Variants in IL1RAPL2 observed in about 807,000 individuals in gnomAD.
The protein encoded by IL1RAPL2 is interleukin 1 receptor accessory protein like 2, also known as X-linked interleukin-1 receptor accessory protein-like 2.
Under a neutral mutation model 44.1 loss-of-function variants are expected in IL1RAPL2, and 3 were observed. The observed-to-expected ratio is 0.07, with a 90% CI of 0.03 to 0.18. The LOEUF (loss-of-function observed/expected upper bound fraction) is 0.18. Among genes scored for constraint, IL1RAPL2 ranks in the 10% least tolerant of loss-of-function variants. The probability of loss-of-function intolerance (pLI) is 1.00; values close to 1 mark genes in which losing one functional copy is unlikely to be tolerated. For synonymous variants in IL1RAPL2, 181 were observed against 178.8 expected (o/e 1.01, Z -0.10); for missense variants, 391 against 496.4 (o/e 0.79, Z 2.02).
At chrX:105,340,402 G>C (rs1319348439) in intron 5 of IL1RAPL2, among the ~76,000 whole-genome samples, 7 of 111,897 alleles carry the variant, frequency 6.3e-5, no homozygotes, top group Non-Finnish European at 1.3e-4. Context: ...TGACTTGCCT[G>C]ATTTACTGCA....
chrX:105,500,445 C>T (rs766819489), intron 6 of IL1RAPL2, among the ~76,000 whole-genome samples: 1 of 111,048 alleles, frequency 9.0e-6, no homozygotes, highest in South Asian at 3.8e-4. Context: ...TTCCCTCTAC[C>T]TTGTCTTATA....
chrX:105,292,776 A>G (rs1190128159), intron 5 of IL1RAPL2, among the ~76,000 whole-genome samples: 2 of 111,358 alleles, frequency 1.8e-5, no homozygotes, highest in Admixed American at 1.9e-4. Flanking sequence ...TACATAACCT[A>G]TATAAACAAA....
intron 2 of IL1RAPL2, among the ~76,000 whole-genome samples, chrX:104,782,107 A>G (rs1220524833): frequency 9.0e-6 from 1 of 111,698 alleles, no homozygotes; most frequent in East Asian, 2.8e-4. Context: ...AACTGTGAGC[A>G]ATAAATTTCG....
At chrX:104,899,530 C>T (rs1199296312) in intron 2 of IL1RAPL2, among the ~76,000 whole-genome samples, 1 of 111,541 alleles carries the variant, frequency 9.0e-6, no homozygotes, top group African/African-American at 3.3e-5. Context: ...CTGAGTAAAC[C>T]TGACCTAACA....
intron 6 of IL1RAPL2, among the ~76,000 whole-genome samples, chrX:105,707,081 G>A (rs1363863803): frequency 9.0e-6 from 1 of 111,331 alleles, no homozygotes; most frequent in African/African-American, 3.3e-5. Context: ...ATCGTAGATT[G>A]GTATCACCTG....
intron 2 of IL1RAPL2, among the ~76,000 whole-genome samples, chrX:105,073,511 G>A (rs1341872039): frequency 2.7e-5 from 3 of 110,669 alleles, no homozygotes; most frequent in African/African-American, 9.9e-5. Context: ...ACATATGTGT[G>A]CATGTGTCTT....
At chrX:105,566,943 C>T (rs1285890616) in intron 6 of IL1RAPL2, among the ~76,000 whole-genome samples, 1 of 110,506 alleles carries the variant, frequency 9.0e-6, no homozygotes, top group Non-Finnish European at 1.9e-5. Context: ...TTTGTTCTGC[C>T]CCAGATATCC....
intron 2 of IL1RAPL2, among the ~76,000 whole-genome samples, chrX:104,997,807 A>G: frequency 9.2e-6 from 1 of 108,505 alleles, no homozygotes; most frequent in Middle Eastern, 4.6e-3. Context: ...AAGATGAAAA[A>G]GAGAGGAGAG....
chrX:105,596,674 T>C (rs2037212836), intron 6 of IL1RAPL2, among the ~76,000 whole-genome samples: 1 of 111,822 alleles, frequency 8.9e-6, no homozygotes, highest in Non-Finnish European at 1.9e-5. Flanking sequence ...GTTAGGTTCA[T>C]TTGGCATAAC....
At chrX:105,331,327 A>G (rs113408375) in intron 5 of IL1RAPL2, among the ~76,000 whole-genome samples, 4 of 111,612 alleles carry the variant, frequency 3.6e-5, no homozygotes, top group African/African-American at 9.8e-5. Flanking sequence ...TTGATGGCAA[A>G]AATTTACCTA....
At chrX:105,627,801 G>A (rs962610278) in intron 6 of IL1RAPL2, among the ~76,000 whole-genome samples, 1 of 111,567 alleles carries the variant, frequency 9.0e-6, no homozygotes, top group Non-Finnish European at 1.9e-5. Flanking sequence ...GGTGTGCACT[G>A]AGCACTGAGC....
chrX:105,668,061 G>A (rs1309001081), intron 6 of IL1RAPL2, among the ~76,000 whole-genome samples: 1 of 96,736 alleles, frequency 1.0e-5, no homozygotes, highest in Admixed American at 1.1e-4. Context: ...GGGGTGGGGG[G>A]AATGGGTTGT....
intron 5 of IL1RAPL2, among the ~76,000 whole-genome samples, chrX:105,347,712 C>T (rs751655003): frequency 9.0e-6 from 1 of 110,565 alleles, no homozygotes; most frequent in African/African-American, 3.3e-5. Context: ...CATTTTGAGC[C>T]GGATAGTTCT....
intron 5 of IL1RAPL2, among the ~76,000 whole-genome samples, chrX:105,389,849 G>A (rs1485624254): frequency 9.0e-6 from 1 of 110,909 alleles, no homozygotes; most frequent in African/African-American, 3.3e-5. Flanking sequence ...ATTTATGCCA[G>A]GCAAACTGTA....
chrX:104,710,305 T>G (rs915036328), intron 2 of IL1RAPL2, among the ~76,000 whole-genome samples: 10 of 111,296 alleles, frequency 9.0e-5, no homozygotes, highest in African/African-American at 2.9e-4. Context: ...TATTTAGCCG[T>G]AAAAGGTAAC....
intron 6 of IL1RAPL2, among the ~76,000 whole-genome samples, chrX:105,491,942 C>G (rs1489666272): frequency 8.9e-6 from 1 of 111,828 alleles, no homozygotes; most frequent in Non-Finnish European, 1.9e-5. Context: ...TTACGAACAT[C>G]TCTTAAATAG....
intron 5 of IL1RAPL2, among the ~76,000 whole-genome samples, chrX:105,338,940 A>T (rs2035049696): frequency 9.0e-6 from 1 of 110,554 alleles, no homozygotes; most frequent in Admixed American, 9.7e-5. Context: ...TGTCTTCTAA[A>T]AATACAAAAA....
rs141229278 is a variant in IL1RAPL2 at position 105,135,399 on chromosome X, A to G, written c.83-60076A>G. ...AATTAGTTGGCTGTTTATCTAGATT[A>G]AAATAAAAGGAGAATGTCAAAAGCA... On this transcript the variant is annotated intron_variant, in intron 2 of 10. Coordinates refer to ENST00000372582, the MANE Select transcript of IL1RAPL2 (RefSeq NM_017416.2). Among the ~76,000 whole-genome samples the G allele has an allele frequency of 6.7e-3, 752 of 112,189 alleles. 11 individuals carry two copies. The highest frequency in any genetic ancestry group is 0.023 in the African/African-American group (717 of 30,922).
At chrX:105,334,919 A>C (rs1405614068) in intron 5 of IL1RAPL2, among the ~76,000 whole-genome samples, 1 of 111,703 alleles carries the variant, frequency 9.0e-6, no homozygotes, top group Non-Finnish European at 1.9e-5. Flanking sequence ...GGAAGAAATA[A>C]ATATATATTT....
Sources: allele counts gnomAD v4.1 joint callset (sites outside exome capture counted in the v4.1 genomes callset), GRCh38; gene constraint gnomAD v4.1.1; transcripts MANE v1.5; gene names NCBI Gene and HGNC (gene_info 2026-07-23, HGNC 2026-07-21).